NFKB1: variants seen among roughly 807,000 people sequenced by gnomAD.
NFKB1 encodes the protein nuclear factor NF-kappa-B p105 subunit.
NFKB1 carries 9 observed loss-of-function variants against 105.1 expected under a neutral mutation model. The observed-to-expected ratio is 0.09, with a 90% confidence interval of 0.05 to 0.15. The LOEUF (loss-of-function observed/expected upper bound fraction) is 0.15, where lower values mean the gene tolerates loss of function less well. Among genes scored for constraint, NFKB1 ranks in the 10% least tolerant of loss-of-function variants. The probability of loss-of-function intolerance (pLI) is 1.00; values close to 1 mark genes in which losing one functional copy is unlikely to be tolerated. For synonymous variants in NFKB1, 440 were observed against 442.2 expected (o/e 1.00, Z 0.06); for missense variants, 830 against 1,203.7 (o/e 0.69, Z 4.59).
In NFKB1 at chr4:102,533,900, G is replaced by A. The variant is rs755209880; in HGVS notation, c.159+15G>A. On this transcript the variant is annotated intron_variant, in intron 4 of 23. Coordinates refer to ENST00000226574, the MANE Select transcript of NFKB1 (RefSeq NM_003998.4). ...AACCTAAACAGGTAAGATTAAAGGG[G>A]TGGGACTTTAAATGTTAGATTCCAG... The A allele has an allele frequency of 6.2e-7, 1 of 1,606,000 alleles. No individual in the cohort carries two copies. The highest frequency in any genetic ancestry group is 8.5e-7 in the Non-Finnish European group (1 of 1,174,276).
intron 5 of NFKB1, among the ~76,000 whole-genome samples, chr4:102,558,304 G>C (rs967265294): frequency 1.3e-5 from 2 of 151,886 alleles, no homozygotes; most frequent in Non-Finnish European, 2.9e-5. Context: ...TGTAATAATG[G>C]GTTTTCTGTT....
intron 7 of NFKB1, chr4:102,577,701 A>G: frequency 5.9e-6 from 2 of 336,622 alleles, no homozygotes; most frequent in African/African-American, 2.2e-5. Flanking sequence ...CACTAAATAT[A>G]CTCCATCTTC....
chr4:102,581,371 A>G (rs1725301876), intron 9 of NFKB1, among the ~76,000 whole-genome samples: 1 of 152,208 alleles, frequency 6.6e-6, no homozygotes, highest in Non-Finnish European at 1.5e-5. Context: ...TAAATAAGTA[A>G]AATAAATCAA....
chr4:102,539,970 G>A (rs1408875715), intron 5 of NFKB1, among the ~76,000 whole-genome samples: 1 of 152,138 alleles, frequency 6.6e-6, no homozygotes, highest in African/African-American at 2.4e-5. Flanking sequence ...AGGTATTGGG[G>A]AAGCCAGGCC....
rs1726369804 is a variant in NFKB1, at chr4:102,593,717, T to G, written c.1210+149T>G. The G allele has an allele frequency of 7.5e-6, 6 of 799,422 alleles. No homozygotes were observed. In the South Asian group the frequency reaches 3.0e-4, roughly 39 times the overall value. 49.5% of individuals were successfully genotyped at this position (799,422 alleles called of 1,614,324 possible). On this transcript the variant is annotated intron_variant, in intron 12 of 23. Transcript: ENST00000226574. ...AATTTCCTGACAAATGTAAATTTATTTTTCAAAGAAATCCATGTTCATTTT... is the reference window on the plus strand; with the variant it reads ...AATTTCCTGACAAATGTAAATTTATGTTTCAAAGAAATCCATGTTCATTTT...
chr4:102,587,253 T>C (rs904595588), intron 11 of NFKB1, among the ~76,000 whole-genome samples: 3 of 152,222 alleles, frequency 2.0e-5, no homozygotes, highest in Admixed American at 1.3e-4. Flanking sequence ...AAATCACTGC[T>C]TTAATTTAAA....
At chr4:102,505,661 T>C (rs1259693003) in intron 1 of NFKB1, among the ~76,000 whole-genome samples, 9 of 152,162 alleles carry the variant, frequency 5.9e-5, no homozygotes. Flanking sequence ...GCTTAAGCTT[T>C]AGAAAAGAAT....
intron 1 of NFKB1, among the ~76,000 whole-genome samples, chr4:102,508,363 T>C (rs1029378113): frequency 4.6e-5 from 7 of 152,196 alleles, no homozygotes; most frequent in African/African-American, 1.7e-4. Context: ...TGTGGGTGGC[T>C]ATTTATGTAG....
Position 102,579,048 on chromosome 4 carries a change from T to C in NFKB1, c.730+9T>C. On this transcript the variant is annotated intron_variant, in intron 8 of 23. Coordinates refer to ENST00000226574, the MANE Select transcript of NFKB1 (RefSeq NM_003998.4). Reference sequence around the variant, plus strand: ...CGCCATCTATGACAGTAGTGAGTACTTCACTTCCAACAGGGGGCACACCAA... The same window carrying C: ...CGCCATCTATGACAGTAGTGAGTACCTCACTTCCAACAGGGGGCACACCAA... The C allele has an allele frequency of 6.2e-7, 1 of 1,609,250 alleles. No individual in the cohort carries two copies. The highest frequency in any genetic ancestry group is 8.5e-7 in the Non-Finnish European group (1 of 1,176,458).
At chr4:102,612,140 A>C in intron 21 of NFKB1, 30 bp downstream of exon 21, 4 of 1,577,932 alleles carry the variant, frequency 2.5e-6, no homozygotes, top group Non-Finnish European at 3.5e-6. Context: ...GATTCTCTTA[A>C]CCATTATTAT....
chr4:102,516,545 G>C (rs1395194294), intron 1 of NFKB1, among the ~76,000 whole-genome samples: 3 of 151,130 alleles, frequency 2.0e-5, no homozygotes, highest in Non-Finnish European at 4.4e-5. Flanking sequence ...AGTCCATCTA[G>C]TGAAATTTCA....
intron 17 of NFKB1, among the ~76,000 whole-genome samples, chr4:102,606,915 T>C (rs563355032): frequency 1.3e-5 from 2 of 152,340 alleles, no homozygotes; most frequent in South Asian, 4.1e-4. Context: ...GAGGCCTGAG[T>C]AAAGATTCAT....
chr4:102,608,602 G>A (rs973550249), intron 19 of NFKB1, among the ~76,000 whole-genome samples: 5 of 151,024 alleles, frequency 3.3e-5, no homozygotes, highest in African/African-American at 1.2e-4. Flanking sequence ...CTCAAAATAT[G>A]TGTAATGAAA....
At chr4:102,577,374 C>T (rs1049137865) in intron 7 of NFKB1, among the ~76,000 whole-genome samples, 6 of 152,124 alleles carry the variant, frequency 3.9e-5, no homozygotes, top group Non-Finnish European at 7.3e-5. Flanking sequence ...AACACCCCAC[C>T]GTTTCCATTT....
intron 2 of NFKB1, among the ~76,000 whole-genome samples, chr4:102,528,681 C>G (rs2149116927): frequency 6.6e-6 from 1 of 152,266 alleles, no homozygotes; most frequent in East Asian, 1.9e-4. Flanking sequence ...AAATAAATAG[C>G]AAGCTCAGAA....
intron 5 of NFKB1, among the ~76,000 whole-genome samples, chr4:102,558,446 A>G (rs939819429): frequency 5.9e-5 from 9 of 152,176 alleles, no homozygotes; most frequent in African/African-American, 2.2e-4. Context: ...AACAAAAAAA[A>G]GAGTACAGTT....
intron 5 of NFKB1, among the ~76,000 whole-genome samples, chr4:102,541,070 T>G (rs546964867): frequency 6.6e-6 from 1 of 152,286 alleles, no homozygotes; most frequent in South Asian, 2.1e-4. Context: ...ATTTGGGGCT[T>G]GAAAATTCTG....
intron 5 of NFKB1, among the ~76,000 whole-genome samples, chr4:102,559,275 A>G (rs1197899649): frequency 6.6e-6 from 1 of 152,150 alleles, no homozygotes; most frequent in Non-Finnish European, 1.5e-5. Context: ...TAACTTTTTA[A>G]CATAGAAAAA....
chr4:102,567,353 T>G (rs1317640511), intron 6 of NFKB1, among the ~76,000 whole-genome samples: 1 of 152,180 alleles, frequency 6.6e-6, no homozygotes, highest in Non-Finnish European at 1.5e-5. Flanking sequence ...CTGACCTAAT[T>G]GTTTATAGCA....
Sources: allele counts gnomAD v4.1 joint callset (sites outside exome capture counted in the v4.1 genomes callset), GRCh38; gene constraint gnomAD v4.1.1; transcripts MANE v1.5; gene names NCBI Gene and HGNC (gene_info 2026-07-23, HGNC 2026-07-21).